SUCLG2: variants seen among roughly 807,000 people sequenced by gnomAD.
SUCLG2 encodes the protein succinate--CoA ligase [GDP-forming] subunit beta, mitochondrial.
In SUCLG2, 42 loss-of-function variants were observed where a neutral mutation model predicts 47.9. The observed-to-expected ratio is 0.88, with a 90% CI of 0.69 to 1.14. The LOEUF (loss-of-function observed/expected upper bound fraction) is 1.14, where lower values mean the gene tolerates loss of function less well. Among genes scored for constraint, SUCLG2 ranks in the 50% most tolerant of loss-of-function variants. The probability of loss-of-function intolerance (pLI) is 0.00; values close to 1 mark genes in which losing one functional copy is unlikely to be tolerated. For missense variants in SUCLG2, 571 were observed against 525.9 expected (o/e 1.09, Z -0.84); for synonymous variants, 195 against 197.3 (o/e 0.99, Z 0.10).
chr3:67,613,604 G>A (rs1700572024), intron 1 of SUCLG2, among the ~76,000 whole-genome samples: 1 of 152,158 alleles, frequency 6.6e-6, no homozygotes, highest in Admixed American at 6.5e-5. Flanking sequence ...CATATACCAA[G>A]TGACTTTACG....
At chr3:67,452,828 C>G (rs1704087424) in intron 9 of SUCLG2, among the ~76,000 whole-genome samples, 1 of 152,216 alleles carries the variant, frequency 6.6e-6, no homozygotes, top group African/African-American at 2.4e-5. Context: ...CAATTAGTAG[C>G]TTTGTTTACA....
chr3:67,564,242 G>C (rs1280051028), intron 2 of SUCLG2, among the ~76,000 whole-genome samples: 1 of 152,184 alleles, frequency 6.6e-6, no homozygotes, highest in Non-Finnish European at 1.5e-5. Flanking sequence ...CCACTTGGAA[G>C]ATTATCTCCA....
At chr3:67,380,298 C>G (rs1001438032) in intron 10 of SUCLG2, among the ~76,000 whole-genome samples, 2 of 151,948 alleles carry the variant, frequency 1.3e-5, no homozygotes, top group African/African-American at 2.4e-5. Flanking sequence ...GTTACCACTT[C>G]TCCCAACCTG....
At chr3:67,488,045 A>C (rs1705103699) in intron 9 of SUCLG2, among the ~76,000 whole-genome samples, 1 of 151,976 alleles carries the variant, frequency 6.6e-6, no homozygotes. Context: ...AAAAAGAAAG[A>C]AAGCAGACTA....
At position 67,638,073 on chromosome 3, in the gene SUCLG2, A is replaced by G. The variant is rs553786794; in HGVS notation, c.84+16430T>C. 2.6e-5 allele frequency among the ~76,000 whole-genome samples: 4 copies of G among 152,350 alleles called. No homozygotes were observed. In the South Asian group the frequency reaches 8.3e-4, roughly 32 times the overall value. ...ATTTTATGCTACATTGCACAATTTT[A>G]AAAAGCTTTAAAGAAGAGTGTAAGC... On this transcript the variant is annotated intron_variant, in intron 1 of 10. Transcript: ENST00000307227.
chr3:67,534,768 CAAAAAAAAAAAAAAAA>C (rs60612549), intron 2 of SUCLG2, among the ~76,000 whole-genome samples: 173 of 34,960 alleles, frequency 4.9e-3, no homozygotes, highest in Non-Finnish European at 7.2e-3. Flanking sequence ...ACACTGATGG[CAAAAAAAAAAAAAAAA>C]AAAAAAAAAA....
At chr3:67,480,151 T>C (rs1054503657) in intron 9 of SUCLG2, among the ~76,000 whole-genome samples, 1 of 151,910 alleles carries the variant, frequency 6.6e-6, no homozygotes, top group African/African-American at 2.4e-5. Flanking sequence ...TGGTTAAGAA[T>C]AGTACTCATG....
At chr3:67,377,996 A>G (rs549014810) in intron 10 of SUCLG2, among the ~76,000 whole-genome samples, 8 of 152,254 alleles carry the variant, frequency 5.3e-5, no homozygotes, top group African/African-American at 1.7e-4. Context: ...CAGCCTGGAT[A>G]CTTTAATAAC....
chr3:67,473,213 C>A (rs1012688248), intron 9 of SUCLG2, among the ~76,000 whole-genome samples: 2 of 152,024 alleles, frequency 1.3e-5, no homozygotes, highest in Admixed American at 1.3e-4. Context: ...GGGTCTTACT[C>A]CAGTTGCCCA....
chr3:67,440,889 A>G (rs1703743352), intron 9 of SUCLG2, among the ~76,000 whole-genome samples: 1 of 152,228 alleles, frequency 6.6e-6, no homozygotes. Flanking sequence ...TATATAGACA[A>G]AGGATTACAA....
chr3:67,547,320 C>A (rs1245177317), intron 2 of SUCLG2, among the ~76,000 whole-genome samples: 3 of 152,194 alleles, frequency 2.0e-5, no homozygotes, highest in African/African-American at 7.2e-5. Context: ...TGTTTATAGG[C>A]CACCCAGTCT....
At chr3:67,516,819 A>G (rs1268189957) in intron 6 of SUCLG2, among the ~76,000 whole-genome samples, 1 of 152,212 alleles carries the variant, frequency 6.6e-6, no homozygotes, top group African/African-American at 2.4e-5. Flanking sequence ...GCAACTCTGG[A>G]GCTGACTGCC....
chr3:67,561,258 T>C (rs552413164), intron 2 of SUCLG2, among the ~76,000 whole-genome samples: 3 of 151,878 alleles, frequency 2.0e-5, no homozygotes, highest in Non-Finnish European at 4.4e-5. Flanking sequence ...TATCTTTTTG[T>C]AGTAAAGGGT....
rs1453538148 is a variant in SUCLG2, at chr3:67,616,811, AT to A, written c.85-7216del. Among the ~76,000 whole-genome samples the A allele has an allele frequency of 2.6e-5, 4 of 152,298 alleles. No homozygotes were observed. In the East Asian group the frequency reaches 5.8e-4, roughly 22 times the overall value. ...CTGTTATACAGAACTACCACCTCTAATATAAACTCCTGCTGTTAGATATGAA... is the reference window on the plus strand; with the variant it reads ...CTGTTATACAGAACTACCACCTCTAAATAAACTCCTGCTGTTAGATATGAA... On this transcript the variant is annotated intron_variant, in intron 1 of 10. Coordinates refer to ENST00000307227, the MANE Select transcript of SUCLG2 (RefSeq NM_003848.4).
At chr3:67,567,288 T>G (rs1315875727) in intron 2 of SUCLG2, among the ~76,000 whole-genome samples, 2 of 133,604 alleles carry the variant, frequency 1.5e-5, no homozygotes, top group Admixed American at 8.3e-5. Flanking sequence ...CTATACTTCC[T>G]ATATCAGGAT....
At chr3:67,614,729 G>A (rs948768135) in intron 1 of SUCLG2, among the ~76,000 whole-genome samples, 8 of 151,998 alleles carry the variant, frequency 5.3e-5, no homozygotes, top group African/African-American at 1.9e-4. Flanking sequence ...TCAAATACTG[G>A]GGTTTCAAGA....
intron 9 of SUCLG2, among the ~76,000 whole-genome samples, chr3:67,461,249 C>T (rs189268887): frequency 1.3e-5 from 2 of 152,116 alleles, no homozygotes; most frequent in Admixed American, 1.3e-4. Context: ...ACGCTCCAAA[C>T]GATACTCAGG....
At chr3:67,458,161 G>A (rs925210335) in intron 9 of SUCLG2, among the ~76,000 whole-genome samples, 26 of 152,090 alleles carry the variant, frequency 1.7e-4, no homozygotes, top group African/African-American at 9.7e-5. Flanking sequence ...GCAGTCACAC[G>A]AATGAACACT....
chr3:67,591,816 A>G (rs750257910), intron 2 of SUCLG2, among the ~76,000 whole-genome samples: 1 of 152,198 alleles, frequency 6.6e-6, no homozygotes, highest in African/African-American at 2.4e-5. Context: ...GCCTAAAACT[A>G]AATAATAGAA....
Sources: gnomAD v4.1 joint callset for allele counts (sites outside exome capture counted in the v4.1 genomes callset) on GRCh38, gnomAD v4.1.1 for gene constraint, MANE v1.5 for transcripts, NCBI Gene and HGNC (gene_info 2026-07-23, HGNC 2026-07-21) for gene names.